ADGRB3: variants seen among roughly 807,000 people sequenced by gnomAD.
The protein encoded by ADGRB3 is adhesion G protein-coupled receptor B3.
ADGRB3 carries 37 observed loss-of-function variants against 193.4 expected under a neutral mutation model. The ratio of observed to expected loss-of-function variants is 0.19; its 90% confidence interval spans 0.15 to 0.25. The LOEUF (loss-of-function observed/expected upper bound fraction) is 0.25, where lower values mean the gene tolerates loss of function less well. Among genes scored for constraint, ADGRB3 ranks in the 10% least tolerant of loss-of-function variants. The pLI, the probability that ADGRB3 is intolerant of heterozygous loss-of-function variation, is 1.00. For missense variants in ADGRB3, 1,637 were observed against 1,852.9 expected, an observed-to-expected ratio of 0.88 and a Z score of 2.14; for synonymous variants, 690 against 644.2, an observed-to-expected ratio of 1.07 and a Z score of -1.08.
chr6:68,774,846 C>T (rs1766707465), intron 3 of ADGRB3, among the ~76,000 whole-genome samples: 1 of 151,772 alleles, frequency 6.6e-6, no homozygotes, highest in South Asian at 2.1e-4. Flanking sequence ...GAAATAAACA[C>T]ATTTCTAGCA....
intron 17 of ADGRB3, among the ~76,000 whole-genome samples, chr6:69,144,958 G>A (rs1774444935): frequency 7.4e-6 from 1 of 134,824 alleles, no homozygotes; most frequent in African/African-American, 2.8e-5. Context: ...TTGCTATCGG[G>A]GTAATCTGGC....
At chr6:69,144,876 G>GTTTCTTTCT (rs146127650) in intron 17 of ADGRB3, among the ~76,000 whole-genome samples, 1,469 of 139,428 alleles carry the variant, frequency 0.011, 38 homozygotes, top group African/African-American at 0.035. Flanking sequence ...TTGTTTGAGT[G>GTTTCTTTCT]TTCTTTCTTT....
chr6:68,782,939 AG>A (rs1766885670), intron 3 of ADGRB3, among the ~76,000 whole-genome samples: 1 of 151,986 alleles, frequency 6.6e-6, no homozygotes, highest in Non-Finnish European at 1.5e-5. Flanking sequence ...ATATGAAATG[AG>A]ATGAAATGAA....
chr6:69,023,125 A>G (rs1453408810), intron 13 of ADGRB3, among the ~76,000 whole-genome samples: 1 of 152,084 alleles, frequency 6.6e-6, no homozygotes, highest in African/African-American at 2.4e-5. Context: ...TCTCCCATTG[A>G]CTATGTTCAA....
intron 17 of ADGRB3, among the ~76,000 whole-genome samples, chr6:69,168,471 AGGTT>A (rs1775186683): frequency 6.6e-6 from 1 of 152,150 alleles, no homozygotes; most frequent in Non-Finnish European, 1.5e-5. Context: ...GGAGAACTAA[AGGTT>A]GCTTTAAAGG....
At chr6:68,947,371 T>C (rs961167242) in intron 6 of ADGRB3, among the ~76,000 whole-genome samples, 3 of 152,130 alleles carry the variant, frequency 2.0e-5, no homozygotes, top group Admixed American at 1.3e-4. Flanking sequence ...TTCTTAATGG[T>C]CAATTCTCAA....
intron 17 of ADGRB3, among the ~76,000 whole-genome samples, chr6:69,201,077 C>G (rs1349730113): frequency 6.6e-6 from 1 of 152,010 alleles, no homozygotes; most frequent in Non-Finnish European, 1.5e-5. Context: ...GAGAACTTGC[C>G]CATAAATCAT....
chr6:68,805,898 T>G (rs1413991552), intron 3 of ADGRB3, among the ~76,000 whole-genome samples: 1 of 152,256 alleles, frequency 6.6e-6, no homozygotes, highest in African/African-American at 2.4e-5. Flanking sequence ...ATTAAAAAGT[T>G]AAGATGCATG....
chr6:69,040,385 C>CTCTCTT (rs1771017758), intron 13 of ADGRB3, among the ~76,000 whole-genome samples: 4 of 121,696 alleles, frequency 3.3e-5, no homozygotes, highest in Admixed American at 8.6e-5. Context: ...TTCCTTCTCT[C>CTCTCTT]TCTTTCTTTC....
At chr6:69,229,350 T>G (rs1222324248) in intron 17 of ADGRB3, among the ~76,000 whole-genome samples, 1 of 152,140 alleles carries the variant, frequency 6.6e-6, no homozygotes, top group African/African-American at 2.4e-5. Flanking sequence ...TTGCCTAAAT[T>G]TTAGAAATTA....
chr6:69,243,446 C>A (rs1188202916), intron 20 of ADGRB3, among the ~76,000 whole-genome samples: 1 of 151,838 alleles, frequency 6.6e-6, no homozygotes, highest in African/African-American at 2.4e-5. Flanking sequence ...AGTCAGAAAT[C>A]CTCCTAATCC....
chr6:69,164,043 C>A (rs1275990200), intron 17 of ADGRB3, among the ~76,000 whole-genome samples: 1 of 152,086 alleles, frequency 6.6e-6, no homozygotes, highest in Non-Finnish European at 1.5e-5. Flanking sequence ...CTAGTGAGAT[C>A]TTTGAAGGTG....
At chr6:69,018,850 GT>G (rs1770175941) in intron 13 of ADGRB3, among the ~76,000 whole-genome samples, 4 of 151,856 alleles carry the variant, frequency 2.6e-5, no homozygotes, top group Admixed American at 2.6e-4. Flanking sequence ...ATACACACTA[GT>G]AATTTTGAAA....
At chr6:69,022,805 G>A (rs1281554483) in intron 13 of ADGRB3, among the ~76,000 whole-genome samples, 3 of 152,066 alleles carry the variant, frequency 2.0e-5, no homozygotes, top group Middle Eastern at 3.4e-3. Context: ...AGGTCCAGCT[G>A]TTTGCAGTTC....
chr6:68,686,891 T>C (rs9454609), intron 3 of ADGRB3, among the ~76,000 whole-genome samples: 2,500 of 152,254 alleles, frequency 0.016, 79 homozygotes, highest in African/African-American at 0.057. Flanking sequence ...TATTGTCTCA[T>C]TAAAAAGATT....
intron 28 of ADGRB3, 53 bp downstream of exon 28, chr6:69,355,913 T>C (rs1769328426): frequency 7.1e-7 from 1 of 1,410,598 alleles, no homozygotes; most frequent in African/African-American, 1.4e-5. Flanking sequence ...CAATCATTTC[T>C]ATAGATTTTA....
chr6:68,866,833 G>A (rs987800986), intron 3 of ADGRB3, among the ~76,000 whole-genome samples: 1 of 152,194 alleles, frequency 6.6e-6, no homozygotes, highest in Non-Finnish European at 1.5e-5. Context: ...GAACTTACAG[G>A]AGATGATTTA....
chr6:68,815,396 A>G (rs73745883), intron 3 of ADGRB3, among the ~76,000 whole-genome samples: 7,154 of 152,218 alleles, frequency 0.047, 552 homozygotes, highest in African/African-American at 0.16. Flanking sequence ...TTGTCAAAGT[A>G]AACCAAAATT....
chr6:69,293,924 A>G (rs1237424201), intron 20 of ADGRB3, among the ~76,000 whole-genome samples: 1 of 151,732 alleles, frequency 6.6e-6, no homozygotes. Context: ...AGGATTTTTT[A>G]AAACGTGGAG....
Sources: gnomAD v4.1 joint callset for allele counts (sites outside exome capture counted in the v4.1 genomes callset) on GRCh38, gnomAD v4.1.1 for gene constraint, MANE v1.5 for transcripts, NCBI Gene and HGNC (gene_info 2026-07-23, HGNC 2026-07-21) for gene names.